The following SCAF4 variants were observed in gnomAD, a reference collection of about 807,000 sequenced individuals.
The protein encoded by SCAF4 is SR-related and CTD-associated factor 4.
Under a neutral mutation model 129.8 loss-of-function variants are expected in SCAF4, and 25 were observed. That is an observed-to-expected ratio of 0.19 (90% CI 0.14 to 0.27). The LOEUF is 0.27. SCAF4 is among the 10% of genes least tolerant of loss of function. SCAF4 has a pLI of 1.00. For missense variants in SCAF4, 1,246 were observed against 1,457.1 expected (o/e 0.86, Z 2.36); for synonymous variants, 551 against 497.7 (o/e 1.11, Z -1.43).
In SCAF4 at chr21:31,732,082, C is replaced by T. The variant is rs1317059287; in HGVS notation, c.-390G>A. 12 of 409,800 alleles carry T rather than the reference C, an allele frequency of 2.9e-5. 1 individual carries two copies. The East Asian group carries it at 4.0e-4, about 14-fold the overall frequency. 25.4% of individuals were successfully genotyped at this position (409,800 alleles called of 1,614,324 possible). On this transcript the variant is annotated 5_prime_UTR_variant, in exon 1 of 20. Coordinates refer to ENST00000286835, the MANE Select transcript of SCAF4 (RefSeq NM_020706.2). ...TCTCTCCCTCTCTCCAGCGGGATGG[C>T]GGCAGCGGCCCGAGTCCACGCCGCG...
chr21:31,702,356 G>T lies in SCAF4; in HGVS notation c.345C>A (p.Asn115Lys). The change falls in exon 5 of 20, where the codon AAC (asparagine) becomes AAA (lysine). Residue 115 changes from asparagine (N) to lysine (K), a missense_variant. Physicochemically the swap from Asn to Lys is moderately conservative, Grantham distance 94 (BLOSUM62 0). This residue lies in a region of SCAF4 where 143 missense variants were observed against 161.0 expected (regional missense o/e 0.89). Coordinates refer to ENST00000286835, the MANE Select transcript of SCAF4 (RefSeq NM_020706.2). ...TGAACACTCCATTTTTTTGCCAAAG[G>T]TTCAGCACACGAACTATTTTACTCT... ...EDKSKIVRVL[N>K]LWQKNGVFKI... 1 of 1,613,718 alleles carries T rather than the reference G, an allele frequency of 6.2e-7. No homozygotes were observed. Among genetic ancestry groups the T allele is most frequent in the Non-Finnish European group, 8.5e-7 (1 of 1,179,830 alleles).
chr21:31,692,182 A>G (rs1215261391), intron 13 of SCAF4, 167 bp downstream of exon 13: 12 of 595,956 alleles, frequency 2.0e-5, no homozygotes, highest in African/African-American at 3.7e-5. Flanking sequence ...AAAGAATTCT[A>G]AGAAATGTTA....
chr21:31,690,240 T>C (rs2050227039), intron 15 of SCAF4, among the ~76,000 whole-genome samples: 1 of 152,106 alleles, frequency 6.6e-6, no homozygotes, highest in African/African-American at 2.4e-5. Context: ...ATGCCAACTC[T>C]ATGGGAGGTC....
intron 1 of SCAF4, among the ~76,000 whole-genome samples, chr21:31,707,275 C>T (rs1005382207): frequency 6.6e-6 from 1 of 152,172 alleles, no homozygotes; most frequent in African/African-American, 2.4e-5. Context: ...ACTGCTTGAA[C>T]CCAGGAGGTG....
chr21:31,694,770 A>G (rs754823931), intron 10 of SCAF4, 43 bp downstream of exon 10: 1 of 1,584,592 alleles, frequency 6.3e-7, no homozygotes, highest in Non-Finnish European at 8.7e-7. Flanking sequence ...ATATAAGTCA[A>G]GGCAACAAAA....
intron 3 of SCAF4, among the ~76,000 whole-genome samples, 171 bp from the exon 4 acceptor site, chr21:31,704,097 CTAT>C (rs1389508047): frequency 6.6e-5 from 10 of 151,976 alleles, no homozygotes; most frequent in Admixed American, 3.9e-4. Context: ...TTTCCCATGT[CTAT>C]AATGGAACTA....
intron 19 of SCAF4, among the ~76,000 whole-genome samples, chr21:31,681,921 A>C (rs1361871750): frequency 6.6e-6 from 1 of 152,178 alleles, no homozygotes; most frequent in African/African-American, 2.4e-5. Flanking sequence ...CTAGTACTTT[A>C]AAAATATTGC....
chr21:31,700,731 CTAACTT>C, intron 7 of SCAF4: 1 of 448,742 alleles, frequency 2.2e-6, no homozygotes, highest in South Asian at 2.6e-5. Context: ...CCTTTACTCC[CTAACTT>C]TTTCTTTTTT....
chr21:31,673,991 G>A (rs1243446843), intron 19 of SCAF4, among the ~76,000 whole-genome samples: 3 of 152,200 alleles, frequency 2.0e-5, no homozygotes, highest in South Asian at 4.1e-4. Context: ...AAAAACGGGG[G>A]AAACAGTTTC....
chr21:31,729,027 C>G (rs1296054137), intron 1 of SCAF4, among the ~76,000 whole-genome samples: 1 of 152,210 alleles, frequency 6.6e-6, no homozygotes, highest in Admixed American at 6.5e-5. Context: ...CCACTATACA[C>G]TTGCCAAGTT....
chr21:31,713,066 A>G lies in SCAF4; in HGVS notation c.31-6709T>C, dbSNP rs900472643. Among the ~76,000 whole-genome samples the G allele has an allele frequency of 2.4e-4, 37 of 152,326 alleles. 1 individual carries two copies. Among genetic ancestry groups the G allele is most frequent in the African/African-American group, 8.2e-4 (34 of 41,560 alleles). On this transcript the variant is annotated intron_variant, in intron 1 of 19. Transcript: ENST00000286835. ...ATGCATGGTATATTTTTCTCACTCT[A>G]AAACAAAATGAACTTGTTAGTTGTA...
At chr21:31,713,145 A>C (rs577279423) in intron 1 of SCAF4, among the ~76,000 whole-genome samples, 29 of 152,334 alleles carry the variant, frequency 1.9e-4, no homozygotes, top group African/African-American at 6.5e-4. Context: ...GCAATTTATT[A>C]ATCTTAAATA....
intron 11 of SCAF4, among the ~76,000 whole-genome samples, chr21:31,693,877 C>T (rs902705618): frequency 6.6e-6 from 1 of 152,150 alleles, no homozygotes; most frequent in African/African-American, 2.4e-5. Flanking sequence ...GATCTTTCCA[C>T]TTTTGCTGGC....
At chr21:31,692,225 A>G in intron 13 of SCAF4, 124 bp downstream of exon 13, 1 of 669,508 alleles carries the variant, frequency 1.5e-6, no homozygotes, top group South Asian at 1.8e-5. Flanking sequence ...GACTCTGAAC[A>G]CCTAAATTCT....
At chr21:31,713,477 T>A (rs1469516398) in intron 1 of SCAF4, among the ~76,000 whole-genome samples, 1 of 152,128 alleles carries the variant, frequency 6.6e-6, no homozygotes, top group Middle Eastern at 3.2e-3. Flanking sequence ...TATTAATGAG[T>A]ACTACACGTA....
At chr21:31,675,024 C>T (rs760413970) in intron 19 of SCAF4, among the ~76,000 whole-genome samples, 1 of 152,040 alleles carries the variant, frequency 6.6e-6, no homozygotes, top group Non-Finnish European at 1.5e-5. Flanking sequence ...AAGGAAAATG[C>T]ACAAGGCCAG....
chr21:31,689,046 T>TGA (rs757886798), intron 15 of SCAF4, among the ~76,000 whole-genome samples: 4 of 152,200 alleles, frequency 2.6e-5, no homozygotes, highest in Non-Finnish European at 4.4e-5. Context: ...ATTCTTGAGC[T>TGA]TTTCAATACA....
chr21:31,694,861 A>C lies in SCAF4; in HGVS notation c.1188T>G (p.Ala396=). The C allele has an allele frequency of 6.2e-7, 1 of 1,614,208 alleles. No homozygotes were observed. The highest frequency in any genetic ancestry group is 8.5e-7 in the Non-Finnish European group (1 of 1,180,020). ...GTGGTTCATTTTGTGCCTGAAAAGA[A>C]GCTTGGAAAGGCTGCTGCACTGGTG... is the stretch of plus-strand genomic sequence containing the variant. ...PTPPVQQPFQ[A]SFQAQNEPLT... The change falls in exon 10 of 20, where the codon GCT becomes GCG. Residue 396 remains alanine, a synonymous_variant. Transcript: ENST00000286835.
intron 19 of SCAF4, among the ~76,000 whole-genome samples, chr21:31,674,119 G>A (rs577640711): frequency 6.6e-6 from 1 of 152,294 alleles, no homozygotes; most frequent in Admixed American, 6.5e-5. Context: ...GCTTCCTCAA[G>A]TATCTGACAG....
Sources: gnomAD v4.1 joint callset for allele counts (sites outside exome capture counted in the v4.1 genomes callset) on GRCh38, gnomAD v4.1.1 for gene constraint, gnomAD v4.1.1 regional missense constraint, MANE v1.5 for transcripts, NCBI Gene and HGNC (gene_info 2026-07-23, HGNC 2026-07-21) for gene names.